TAF3: variants seen among roughly 807,000 people sequenced by gnomAD.
TAF3 encodes the protein transcription initiation factor TFIID subunit 3.
In TAF3, 7 loss-of-function variants were observed where a neutral mutation model predicts 80.6. That is an observed-to-expected ratio of 0.09 (90% CI 0.05 to 0.16). The LOEUF (loss-of-function observed/expected upper bound fraction) is 0.16, where lower values mean the gene tolerates loss of function less well. Among genes scored for constraint, TAF3 ranks in the 10% least tolerant of loss-of-function variants. The probability of loss-of-function intolerance (pLI) is 1.00; values close to 1 mark genes in which losing one functional copy is unlikely to be tolerated. For missense variants in TAF3, 921 were observed against 1,140.2 expected (o/e 0.81, Z 2.77); for synonymous variants, 444 against 446.1 (o/e 1.00, Z 0.06).
At chr10:7,886,524 A>G (rs1382498029) in intron 2 of TAF3, among the ~76,000 whole-genome samples, 1 of 152,262 alleles carries the variant, frequency 6.6e-6, no homozygotes. Flanking sequence ...TAAAAATTCT[A>G]GCTTTGCCAC....
At chr10:7,926,335 T>A (rs1837815392) in intron 2 of TAF3, among the ~76,000 whole-genome samples, 1 of 152,224 alleles carries the variant, frequency 6.6e-6, no homozygotes, top group South Asian at 2.1e-4. Flanking sequence ...GAATGTTCAG[T>A]AATTCCTGCC....
intron 2 of TAF3, among the ~76,000 whole-genome samples, chr10:7,954,430 T>C (rs1838115194): frequency 8.6e-6 from 1 of 116,906 alleles, no homozygotes; most frequent in African/African-American, 3.0e-5. Context: ...GAGCTCTCCA[T>C]AGTGAGATTT....
rs1422454744 is a variant in TAF3, at chr10:7,858,537, GA to G, written c.409+33982del. ...TAGGTACTTTCTGAACTGGGAGGCA[GA>G]AAAATGTCATTGATTGGCAAGTTCG... On this transcript the variant is annotated intron_variant, in intron 2 of 6. Coordinates refer to ENST00000344293, the MANE Select transcript of TAF3 (RefSeq NM_031923.4). Among the ~76,000 whole-genome samples, 3 of 152,228 alleles carry G rather than the reference GA, an allele frequency of 2.0e-5. No individual in the cohort carries two copies. The East Asian group carries it at 5.8e-4, about 29-fold the overall frequency.
intron 2 of TAF3, among the ~76,000 whole-genome samples, chr10:7,854,343 A>T (rs887442485): frequency 2.6e-5 from 4 of 152,204 alleles, no homozygotes; most frequent in Non-Finnish European, 5.9e-5. Flanking sequence ...TACGTAAGAT[A>T]ACTGGAAGGA....
At chr10:7,853,371 T>A (rs2131127660) in intron 2 of TAF3, among the ~76,000 whole-genome samples, 1 of 152,248 alleles carries the variant, frequency 6.6e-6, no homozygotes, top group East Asian at 1.9e-4. Context: ...GTAGGAGTGT[T>A]TACATCACAG....
chr10:7,845,191 G>A (rs937307687), intron 2 of TAF3, among the ~76,000 whole-genome samples: 1 of 151,970 alleles, frequency 6.6e-6, no homozygotes, highest in African/African-American at 2.4e-5. Flanking sequence ...AACAATTTGG[G>A]AGGTGTGTCA....
chr10:7,916,637 G>GTA (rs558401913), intron 2 of TAF3, among the ~76,000 whole-genome samples: 2,569 of 151,754 alleles, frequency 0.017, 72 homozygotes, highest in African/African-American at 0.058. Context: ...AAAATAAAGT[G>GTA]TATATATATA....
At chr10:7,914,932 C>CT (rs869094036) in intron 2 of TAF3, among the ~76,000 whole-genome samples, 12 of 84,998 alleles carry the variant, frequency 1.4e-4, no homozygotes, top group African/African-American at 6.0e-4. Context: ...TGCTCCCAGC[C>CT]TTTTTTTTTT....
chr10:7,999,046 G>T (rs1564380602), intron 4 of TAF3, among the ~76,000 whole-genome samples: 1 of 152,084 alleles, frequency 6.6e-6, no homozygotes, highest in Non-Finnish European at 1.5e-5. Context: ...TGGAATCTGT[G>T]TTGGCAAACA....
At chr10:8,012,862 A>T (rs1444452091) in intron 5 of TAF3, among the ~76,000 whole-genome samples, 1 of 152,214 alleles carries the variant, frequency 6.6e-6, no homozygotes, top group Non-Finnish European at 1.5e-5. Flanking sequence ...ACTATCCCTT[A>T]CAAAATAAAC....
At chr10:7,881,238 T>C (rs1837358068) in intron 2 of TAF3, among the ~76,000 whole-genome samples, 1 of 141,490 alleles carries the variant, frequency 7.1e-6, no homozygotes. Flanking sequence ...AGACCCTGTC[T>C]CAAAAAAAAA....
chr10:7,900,000 G>A lies in TAF3; in HGVS notation c.410-63920G>A, dbSNP rs566973075. ...GTTTTCCTCAGTGGACATGTTAGGC[G>A]GCGTCCACTCATATCCAACTCCCTT... is the stretch of plus-strand genomic sequence containing the variant. On this transcript the variant is annotated intron_variant, in intron 2 of 6. Coordinates refer to ENST00000344293, the MANE Select transcript of TAF3 (RefSeq NM_031923.4). Among the ~76,000 whole-genome samples the A allele has an allele frequency of 5.9e-5, 9 of 152,220 alleles. No homozygotes were observed. In the East Asian group the frequency reaches 9.6e-4, roughly 16 times the overall value.
intron 4 of TAF3, among the ~76,000 whole-genome samples, chr10:7,981,914 A>G (rs113741610): frequency 9.8e-5 from 15 of 152,342 alleles, no homozygotes; most frequent in South Asian, 4.1e-4. Flanking sequence ...ATCAATATGT[A>G]TAGACACTTG....
intron 2 of TAF3, among the ~76,000 whole-genome samples, chr10:7,919,235 C>T (rs566338317): frequency 6.6e-5 from 10 of 152,150 alleles, no homozygotes; most frequent in Admixed American, 1.3e-4. Context: ...ATGTGATTAT[C>T]GGTCTTGATT....
At chr10:7,837,669 G>A (rs1345793370) in intron 2 of TAF3, among the ~76,000 whole-genome samples, 4 of 151,936 alleles carry the variant, frequency 2.6e-5, no homozygotes, top group Non-Finnish European at 5.9e-5. Flanking sequence ...AAAACAATTA[G>A]CCAAGAGTGG....
intron 2 of TAF3, among the ~76,000 whole-genome samples, chr10:7,951,047 A>G (rs1299878258): frequency 2.0e-5 from 3 of 152,268 alleles, no homozygotes; most frequent in African/African-American, 7.2e-5. Context: ...GCAGAAGCAC[A>G]TGTAAAACAA....
rs755373118 is a variant in TAF3 at position 8,009,053 on chromosome 10, T to C, written c.2316-25T>C. 6.3e-7 allele frequency: 1 copy of C among 1,586,504 alleles called. No individual in the cohort carries two copies. Among genetic ancestry groups the C allele is most frequent in the Non-Finnish European group, 8.6e-7 (1 of 1,165,850 alleles). ...TTCGATGATGATCCTGTTTTGACTT[T>C]TACCTTCTCTTCTTTTGTTGACAGT... On this transcript the variant is annotated intron_variant, in intron 4 of 6. Transcript: ENST00000344293. The surrounding 1 kb of genome is among the most constrained non-coding windows in gnomAD (Gnocchi z 4.1).
At chr10:7,924,308 A>G (rs1172413670) in intron 2 of TAF3, among the ~76,000 whole-genome samples, 1 of 152,238 alleles carries the variant, frequency 6.6e-6, no homozygotes, top group Non-Finnish European at 1.5e-5. Context: ...CCATGAAAGA[A>G]AGCGGTGGTT....
chr10:7,921,239 A>G (rs564900261), intron 2 of TAF3, among the ~76,000 whole-genome samples: 1 of 152,290 alleles, frequency 6.6e-6, no homozygotes, highest in East Asian at 1.9e-4. Context: ...AGGAAAGAGC[A>G]GTTTTATTTG....
Sources: gnomAD v4.1 joint callset for allele counts (sites outside exome capture counted in the v4.1 genomes callset) on GRCh38, gnomAD v4.1.1 for gene constraint, Gnocchi (gnomAD v3.1) non-coding constraint, MANE v1.5 for transcripts, NCBI Gene and HGNC (gene_info 2026-07-23, HGNC 2026-07-21) for gene names.